The following HELZ variants were observed in gnomAD, a reference collection of about 807,000 sequenced individuals.
HELZ encodes the protein ATP-dependent RNA helicase with zinc finger domain.
HELZ carries 23 observed loss-of-function variants against 218.2 expected under a neutral mutation model. The observed-to-expected ratio is 0.11, with a 90% confidence interval of 0.08 to 0.15. The LOEUF is 0.15. HELZ is among the 10% of genes least tolerant of loss of function. The pLI is 1.00. For synonymous variants in HELZ, 814 were observed against 829.4 expected (o/e 0.98, Z 0.32); for missense variants, 1,813 against 2,353.7 (o/e 0.77, Z 4.75).
chr17:67,074,556 C>T lies in HELZ; in HGVS notation c.*3696G>A, dbSNP rs181774579. The T allele has an allele frequency of 6.6e-6, 1 of 152,218 alleles. No individual in the cohort carries two copies. Among genetic ancestry groups the T allele is most frequent in the Admixed American group, 6.5e-5 (1 of 15,294 alleles). 9.4% of individuals were successfully genotyped at this position (152,218 alleles called of 1,614,324 possible). A position where few individuals can be genotyped will look rare whatever the true frequency, so the allele number is the denominator to read the frequency against. On this transcript the variant is annotated 3_prime_UTR_variant, in exon 33 of 33. Transcript: ENST00000358691. ...AAGGGGGCTAGAGAAACATCTTTTACGTCTGCAGCTTTGCTCTTGACATGA... is the reference window on the plus strand; with the variant it reads ...AAGGGGGCTAGAGAAACATCTTTTATGTCTGCAGCTTTGCTCTTGACATGA...
Position 67,228,687 on chromosome 17 carries a change from A to G in HELZ, c.-18-9865T>C, listed in dbSNP as rs918351641. 6.0e-5 allele frequency among the ~76,000 whole-genome samples: 9 copies of G among 150,716 alleles called. No individual in the cohort carries two copies. The East Asian group carries it at 1.7e-3, about 29-fold the overall frequency. ...AAAAAAAAAAAAATTTATTGTGACG[A>G]AAGAAAAGCCAAATTGATACATTAT... On this transcript the variant is annotated intron_variant, in intron 3 of 32. Coordinates refer to ENST00000358691, the MANE Select transcript of HELZ (RefSeq NM_014877.4).
chr17:67,084,419 T>C (rs2036290744), intron 32 of HELZ, among the ~76,000 whole-genome samples: 1 of 151,310 alleles, frequency 6.6e-6, no homozygotes, highest in Admixed American at 6.6e-5. Flanking sequence ...TCCCAGCACT[T>C]TGGGAGGCCG....
rs968483926 is a variant in HELZ, at chr17:67,077,375, C to G, written c.*877G>C. On this transcript the variant is annotated 3_prime_UTR_variant, in exon 33 of 33. Transcript: ENST00000358691. ...AGGGAAGCCAGGTTACAAACATTTACACATGCATAGTGAGAAAAAAAGAAT... is the reference window on the plus strand; with the variant it reads ...AGGGAAGCCAGGTTACAAACATTTAGACATGCATAGTGAGAAAAAAAGAAT... 7.9e-5 allele frequency: 12 copies of G among 152,332 alleles called. No individual in the cohort carries two copies. The highest frequency in any genetic ancestry group is 2.9e-4 in the African/African-American group (12 of 41,380). 9.4% of individuals were successfully genotyped at this position (152,332 alleles called of 1,614,324 possible). A position where few individuals can be genotyped will look rare whatever the true frequency, so the allele number is the denominator to read the frequency against.
chr17:67,077,928 C>A lies in HELZ; in HGVS notation c.*324G>T, dbSNP rs1305170699. 1.3e-5 allele frequency: 2 copies of A among 156,278 alleles called. No individual in the cohort carries two copies. The highest frequency in any genetic ancestry group is 2.7e-5 in the Non-Finnish European group (2 of 74,018). 9.7% of individuals were successfully genotyped at this position (156,278 alleles called of 1,614,324 possible). On this transcript the variant is annotated 3_prime_UTR_variant, in exon 33 of 33. Coordinates refer to ENST00000358691, the MANE Select transcript of HELZ (RefSeq NM_014877.4). Reference sequence around the variant, plus strand: ...TCTTTTTAAATACATTTTAGACAAACTTTTCTTTTTTTTTTTTTTTTTATA... The same window carrying A: ...TCTTTTTAAATACATTTTAGACAAAATTTTCTTTTTTTTTTTTTTTTTATA...
intron 31 of HELZ, among the ~76,000 whole-genome samples, chr17:67,095,825 T>C (rs1950887483): frequency 6.6e-6 from 1 of 152,244 alleles, no homozygotes; most frequent in African/African-American, 2.4e-5. Context: ...TTTTTGTTCT[T>C]AAATTTTTTA....
At chr17:67,177,061 C>A (rs542405868) in intron 13 of HELZ, among the ~76,000 whole-genome samples, 2 of 151,738 alleles carry the variant, frequency 1.3e-5, no homozygotes, top group African/African-American at 4.8e-5. Context: ...AAGCCTAGAC[C>A]TCCTGGGCTC....
chr17:67,215,871 A>G (rs368199821), intron 5 of HELZ, 28 bp downstream of exon 5: 63 of 1,449,960 alleles, frequency 4.3e-5, no homozygotes, highest in Non-Finnish European at 5.6e-5. Context: ...GTTCAATTCA[A>G]TAATTCGAGT....
chr17:67,175,722 G>C (rs895999964), intron 13 of HELZ, among the ~76,000 whole-genome samples: 1 of 152,136 alleles, frequency 6.6e-6, no homozygotes, highest in African/African-American at 2.4e-5. Flanking sequence ...CTTTAGGTGA[G>C]AGTATCACCA....
chr17:67,070,585 T>A lies in HELZ; in HGVS notation c.*7667A>T, dbSNP rs542400115. The A allele has an allele frequency of 1.3e-5, 2 of 152,188 alleles. No individual in the cohort carries two copies. Among genetic ancestry groups the A allele is most frequent in the Admixed American group, 1.3e-4 (2 of 15,272 alleles). 9.4% of individuals were successfully genotyped at this position (152,188 alleles called of 1,614,324 possible). A position where few individuals can be genotyped will look rare whatever the true frequency, so the allele number is the denominator to read the frequency against. ...AACTGTAGACCCCAAGTTGAAAACTTGTTCTATGGAACCAAAGTAGCTAAC... is the reference window on the plus strand; with the variant it reads ...AACTGTAGACCCCAAGTTGAAAACTAGTTCTATGGAACCAAAGTAGCTAAC... On this transcript the variant is annotated 3_prime_UTR_variant, in exon 33 of 33. Coordinates refer to ENST00000358691, the MANE Select transcript of HELZ (RefSeq NM_014877.4).
At chr17:67,172,690 C>G (rs2039347144) in intron 13 of HELZ, among the ~76,000 whole-genome samples, 1 of 152,142 alleles carries the variant, frequency 6.6e-6, no homozygotes, top group South Asian at 2.1e-4. Context: ...TCACTGCAGC[C>G]TTGACCTCCT....
chr17:67,139,382 G>C (rs1211131936), intron 21 of HELZ, among the ~76,000 whole-genome samples: 1 of 152,108 alleles, frequency 6.6e-6, no homozygotes, highest in Non-Finnish European at 1.5e-5. Flanking sequence ...ATAAGAAAAA[G>C]TTATCTTTAC....
At chr17:67,112,424 G>A (rs1389892339) in intron 28 of HELZ, among the ~76,000 whole-genome samples, 1 of 152,172 alleles carries the variant, frequency 6.6e-6, no homozygotes, top group Non-Finnish European at 1.5e-5. Context: ...GCTGGTGCAG[G>A]TGCACCATCC....
chr17:67,150,130 CTTTT>C (rs11408678), intron 18 of HELZ, 145 bp from the exon 19 acceptor site: 951 of 179,038 alleles, frequency 5.3e-3, no homozygotes, highest in Non-Finnish European at 6.1e-3. Context: ...TATTTTCTTT[CTTTT>C]TTTTTTTTTT....
At chr17:67,111,791 T>C (rs541675464) in intron 28 of HELZ, among the ~76,000 whole-genome samples, 3 of 152,182 alleles carry the variant, frequency 2.0e-5, no homozygotes, top group Non-Finnish European at 4.4e-5. Context: ...AGAACCTGAT[T>C]AAGGTTCTTC....
intron 3 of HELZ, among the ~76,000 whole-genome samples, chr17:67,234,130 C>G (rs2041114446): frequency 6.7e-6 from 1 of 150,226 alleles, no homozygotes; most frequent in Non-Finnish European, 1.5e-5. Flanking sequence ...TCAAGACCAG[C>G]TGGGCAACGT....
chr17:67,205,181 G>T (rs1320785644), intron 5 of HELZ, among the ~76,000 whole-genome samples: 1 of 151,832 alleles, frequency 6.6e-6, no homozygotes, highest in African/African-American at 2.4e-5. Flanking sequence ...ACAAAAATTA[G>T]CGGGCATGGT....
chr17:67,118,084 T>A (rs2037483775), intron 27 of HELZ, among the ~76,000 whole-genome samples: 1 of 152,160 alleles, frequency 6.6e-6, no homozygotes, highest in African/African-American at 2.4e-5. Context: ...TAGACACTTT[T>A]GAAAAAGAAC....
At chr17:67,189,552 C>T in intron 11 of HELZ, 37 bp downstream of exon 11, 1 of 1,345,924 alleles carries the variant, frequency 7.4e-7, no homozygotes, top group Non-Finnish European at 1.1e-6. Flanking sequence ...GAAAATTAAA[C>T]ACAACTTTTA....
chr17:67,224,361 A>C (rs1443895380), intron 3 of HELZ: 1 of 173,714 alleles, frequency 5.8e-6, no homozygotes, highest in Non-Finnish European at 1.2e-5. Context: ...GGAGAAACTA[A>C]GTCCTGATGA....
Sources: gnomAD v4.1 joint callset for allele counts (sites outside exome capture counted in the v4.1 genomes callset) on GRCh38, gnomAD v4.1.1 for gene constraint, MANE v1.5 for transcripts, NCBI Gene and HGNC (gene_info 2026-07-23, HGNC 2026-07-21) for gene names.